The following ODF2L variants were observed in gnomAD, a reference collection of about 807,000 sequenced individuals.
ODF2L encodes protein BCAP.
ODF2L carries 76 observed loss-of-function variants against 86.3 expected under a neutral mutation model. The ratio of observed to expected loss-of-function variants is 0.88; its 90% CI spans 0.73 to 1.07. ODF2L has a LOEUF of 1.07. ODF2L is among the 50% of genes least tolerant of loss of function. The pLI is 0.00. For missense variants in ODF2L, 748 were observed against 717.4 expected, an observed-to-expected ratio of 1.04 and a Z score of -0.49; for synonymous variants, 241 against 231.3, an observed-to-expected ratio of 1.04 and a Z score of -0.38.
chr1:86,353,057 T>C (rs1658263015), intron 16 of ODF2L, 73 bp from the exon 16 acceptor site: 2 of 970,392 alleles, frequency 2.1e-6, no homozygotes, highest in South Asian at 3.0e-5. Context: ...ACAGTTATAT[T>C]GTACCTTTTT....
intron 13 of ODF2L, chr1:86,357,984 G>T: frequency 1.0e-6 from 1 of 985,414 alleles, no homozygotes; most frequent in Non-Finnish European, 1.2e-6. Context: ...TAGGTGAAAA[G>T]TAATTCCATG....
rs1658447211 is a variant in ODF2L, at chr1:86,355,213, G to T, written c.1519-354C>A. ...AATCTCCTATTTTTGGATACCTAGG[G>T]TTTCTCTTATGGTTTTCTGTTTCAC... is the stretch of plus-strand genomic sequence containing the variant. On this transcript the variant is annotated intron_variant, in intron 14 of 17. Transcript: ENST00000317336. 3.0e-5 allele frequency: 19 copies of T among 634,502 alleles called. No homozygotes were observed. In the South Asian group the frequency reaches 4.1e-4, roughly 14 times the overall value. The allele number at this position is 634,502 out of a possible 1,614,324, so 39.3% of individuals were successfully genotyped here.
At chr1:86,381,842 C>G (rs1484699408) in intron 7 of ODF2L, 1 of 152,154 alleles carries the variant, frequency 6.6e-6, no homozygotes, top group Non-Finnish European at 1.5e-5. Context: ...GACTGTTAAA[C>G]GTGTGAAAGT....
At chr1:86,389,765 A>G (rs747023306) in intron 1 of ODF2L, among the ~76,000 whole-genome samples, 1 of 152,204 alleles carries the variant, frequency 6.6e-6, no homozygotes, top group Non-Finnish European at 1.5e-5. Flanking sequence ...GAACACCTTT[A>G]CACACATAAA....
intron 7 of ODF2L, among the ~76,000 whole-genome samples, chr1:86,379,050 C>G (rs564379327): frequency 6.6e-6 from 1 of 152,024 alleles, no homozygotes; most frequent in Admixed American, 6.5e-5. Context: ...GCAGCACCTC[C>G]CTACTTGCTC....
intron 6 of ODF2L, 46 bp from the exon 7 acceptor site, chr1:86,382,404 C>G: frequency 6.2e-7 from 1 of 1,601,806 alleles, no homozygotes; most frequent in South Asian, 1.1e-5. Context: ...ATATTATTTG[C>G]TGTATCCCCA....
At chr1:86,382,482 C>A in intron 6 of ODF2L, 124 bp from the exon 7 acceptor site, 1 of 1,485,444 alleles carries the variant, frequency 6.7e-7, no homozygotes, top group South Asian at 1.3e-5. Context: ...CAAAGCACTA[C>A]TTTACATAAA....
At chr1:86,352,359 A>G (rs1485530815) in intron 17 of ODF2L, among the ~76,000 whole-genome samples, 2 of 152,138 alleles carry the variant, frequency 1.3e-5, no homozygotes, top group Non-Finnish European at 2.9e-5. Flanking sequence ...AGACTAATTA[A>G]GCACAGTCAC....
In ODF2L at chr1:86,374,629, A is replaced by G. The variant is rs564999604; in HGVS notation, c.810+1604T>C. ...GGTCTCTCGTACTTTCCAAATCCCCATTTCTCCTTTCATCTCTCCTTATAA... is the reference window on the plus strand; with the variant it reads ...GGTCTCTCGTACTTTCCAAATCCCCGTTTCTCCTTTCATCTCTCCTTATAA... On this transcript the variant is annotated intron_variant, in intron 8 of 17. Transcript: ENST00000317336. 8.3e-4 allele frequency among the ~76,000 whole-genome samples: 126 copies of G among 152,174 alleles called. 2 individuals carry two copies. The highest frequency in any genetic ancestry group is 3.0e-3 in the African/African-American group (125 of 41,538).
At chr1:86,351,855 T>C (rs1252822609) in exon 18 of ODF2L, 1 of 1,017,368 alleles carries the variant, frequency 9.8e-7, no homozygotes, top group Non-Finnish European at 1.2e-6. Context: ...TTTGTGGCAA[T>C]TGTGAATGGG....
chr1:86,368,877 A>G (rs1302876772), intron 10 of ODF2L, among the ~76,000 whole-genome samples: 1 of 152,138 alleles, frequency 6.6e-6, no homozygotes, highest in East Asian at 1.9e-4. Flanking sequence ...AGTAATTTAA[A>G]AGGATGCTTA....
At chr1:86,375,708 C>T (rs1056463393) in intron 8 of ODF2L, among the ~76,000 whole-genome samples, 3 of 152,114 alleles carry the variant, frequency 2.0e-5, no homozygotes, top group Admixed American at 6.6e-5. Context: ...AGGTTAATTA[C>T]TGAATAAAGT....
intron 11 of ODF2L, among the ~76,000 whole-genome samples, chr1:86,361,621 G>A (rs866852033): frequency 3.3e-5 from 5 of 152,112 alleles, no homozygotes; most frequent in Middle Eastern, 3.4e-3. Context: ...AACAAAATAT[G>A]AAAAAGTATT....
intron 11 of ODF2L, among the ~76,000 whole-genome samples, chr1:86,363,202 G>A (rs984434357): frequency 3.3e-5 from 5 of 152,162 alleles, no homozygotes; most frequent in African/African-American, 9.7e-5. Context: ...CTGGGATGAG[G>A]AAAACTGTAG....
intron 4 of ODF2L, 52 bp downstream of exon 4, chr1:86,384,624 T>C: frequency 8.5e-7 from 1 of 1,172,146 alleles, no homozygotes; most frequent in African/African-American, 1.6e-5. Flanking sequence ...TAATGTATCC[T>C]TCAAATGAGA....
At chr1:86,394,038 T>C (rs1661523492) in intron 1 of ODF2L, among the ~76,000 whole-genome samples, 1 of 152,206 alleles carries the variant, frequency 6.6e-6, no homozygotes, top group Non-Finnish European at 1.5e-5. Context: ...ATTCCTTTCC[T>C]TCAACACGAC....
At chr1:86,382,183 T>A (rs1195378302) in intron 7 of ODF2L, 59 bp downstream of exon 7, 4 of 1,500,932 alleles carry the variant, frequency 2.7e-6, no homozygotes, top group Non-Finnish European at 3.5e-6. Context: ...GAAGGCTTTA[T>A]GGCCTTTCAT....
intron 8 of ODF2L, among the ~76,000 whole-genome samples, chr1:86,372,932 A>G (rs193281264): frequency 9.4e-4 from 143 of 152,298 alleles, no homozygotes; most frequent in Non-Finnish European, 1.3e-3. Flanking sequence ...ATGCAAAAGC[A>G]TAAGATTGAT....
chr1:86,386,950 A>G, exon 2 of ODF2L: 2 of 1,597,768 alleles, frequency 1.3e-6, no homozygotes, highest in Non-Finnish European at 1.7e-6. Flanking sequence ...ACCGTGGTAA[A>G]TCTTCTTTCT....
Sources: allele counts gnomAD v4.1 joint callset (sites outside exome capture counted in the v4.1 genomes callset), GRCh38; gene constraint gnomAD v4.1.1; transcripts MANE v1.5; gene names NCBI Gene and HGNC (gene_info 2026-07-23, HGNC 2026-07-21).